SLC25A48: variants seen among roughly 807,000 people sequenced by gnomAD.
SLC25A48 encodes the protein solute carrier family 25 member 48.
A neutral mutation model predicts 32.2 loss-of-function variants in SLC25A48; 29 were observed. The ratio of observed to expected loss-of-function variants is 0.90; its 90% CI spans 0.67 to 1.23. The LOEUF is 1.23. Among genes scored for constraint, SLC25A48 ranks in the 50% most tolerant of loss-of-function variants. The pLI, the probability that SLC25A48 is intolerant of heterozygous loss-of-function variation, is 0.00. For missense variants in SLC25A48, 399 were observed against 422.7 expected (o/e 0.94, Z 0.49); for synonymous variants, 164 against 172.3 (o/e 0.95, Z 0.38).
intron 3 of SLC25A48, among the ~76,000 whole-genome samples, chr5:135,639,425 G>A (rs573518832): frequency 2.0e-4 from 31 of 152,314 alleles, no homozygotes; most frequent in Non-Finnish European, 4.0e-4. Flanking sequence ...CAGAGTTTGG[G>A]CATGCAATGG....
At chr5:135,753,731 A>G (rs1465850069) in intron 3 of SLC25A48, among the ~76,000 whole-genome samples, 2 of 151,748 alleles carry the variant, frequency 1.3e-5, no homozygotes, top group African/African-American at 4.8e-5. Context: ...CAGTGAGAAT[A>G]TTATGCACAA....
intron 3 of SLC25A48, among the ~76,000 whole-genome samples, chr5:135,749,232 G>C (rs1374107231): frequency 1.3e-5 from 2 of 151,480 alleles, no homozygotes; most frequent in Non-Finnish European, 2.9e-5. Flanking sequence ...CCTTTCCCTT[G>C]CTTCTCACCC....
At chr5:135,630,588 CTTTTTTTTTTTTTTTTTTTTTT>C (rs869088370) in intron 2 of SLC25A48, among the ~76,000 whole-genome samples, 1 of 58,928 alleles carries the variant, frequency 1.7e-5, no homozygotes, top group East Asian at 6.2e-4. Flanking sequence ...GGCTGGGCAC[CTTTTTTTTTTTTTTTTTTTTTT>C]TTTTTTTTTT....
chr5:135,859,498 C>T (rs1008776873), intron 4 of SLC25A48, among the ~76,000 whole-genome samples: 4 of 152,184 alleles, frequency 2.6e-5, no homozygotes, highest in African/African-American at 9.6e-5. Flanking sequence ...AATCATATCG[C>T]CTCCCCTGGC....
chr5:135,613,044 A>C lies in SLC25A48; in HGVS notation c.-848-16193A>C, dbSNP rs556171343. 2.0e-5 allele frequency among the ~76,000 whole-genome samples: 3 copies of C among 152,316 alleles called. No individual in the cohort carries two copies. In the South Asian group the frequency reaches 6.2e-4, roughly 32 times the overall value. On this transcript the variant is annotated intron_variant, in intron 1 of 10. Transcript: ENST00000646290. ...CTAACTAATTTATGTTCCTACCAAC[A>C]GTGTATGAGTACCGTTTTTTCCATA... is the stretch of plus-strand genomic sequence containing the variant.
intron 4 of SLC25A48, among the ~76,000 whole-genome samples, chr5:135,828,899 C>T (rs1758135469): frequency 6.6e-6 from 1 of 152,208 alleles, no homozygotes; most frequent in African/African-American, 2.4e-5. Flanking sequence ...CCACCTGGCA[C>T]TACTCAGGCA....
At chr5:135,753,950 A>G (rs1010673514) in intron 3 of SLC25A48, among the ~76,000 whole-genome samples, 15 of 152,130 alleles carry the variant, frequency 9.9e-5, no homozygotes, top group African/African-American at 2.9e-4. Context: ...ATGTGACTTT[A>G]GCAGTCATAT....
At chr5:135,692,435 C>T (rs1382454665) in intron 3 of SLC25A48, among the ~76,000 whole-genome samples, 17 of 151,968 alleles carry the variant, frequency 1.1e-4, no homozygotes, top group Admixed American at 1.1e-3. Flanking sequence ...AAATGTGCTG[C>T]CCTGAGAATG....
chr5:135,831,287 C>T (rs966927271), upstream of SLC25A48, among the ~76,000 whole-genome samples: 13 of 152,372 alleles, frequency 8.5e-5, no homozygotes, highest in South Asian at 2.7e-3. Flanking sequence ...CCAGCAGGAC[C>T]TTCAGACTTT....
intron 3 of SLC25A48, among the ~76,000 whole-genome samples, chr5:135,787,084 G>A (rs149971092): frequency 2.1e-3 from 312 of 152,072 alleles, no homozygotes; most frequent in Non-Finnish European, 3.0e-3. Flanking sequence ...GGTATTATTC[G>A]TAGAATCCTA....
intron 1 of SLC25A48, among the ~76,000 whole-genome samples, chr5:135,615,854 G>A (rs889950718): frequency 6.6e-6 from 1 of 152,172 alleles, no homozygotes; most frequent in Admixed American, 6.5e-5. Context: ...GGGAAGTGTG[G>A]TTTTATGGGC....
intron 3 of SLC25A48, among the ~76,000 whole-genome samples, chr5:135,782,658 C>T (rs1406306730): frequency 2.6e-5 from 3 of 116,192 alleles, no homozygotes; most frequent in South Asian, 3.1e-4. Flanking sequence ...ATACCCCTCC[C>T]GTGATATCGT....
intron 3 of SLC25A48, among the ~76,000 whole-genome samples, chr5:135,705,476 CTG>C (rs1236068997): frequency 6.6e-6 from 1 of 152,174 alleles, no homozygotes; most frequent in Non-Finnish European, 1.5e-5. Flanking sequence ...GATTAGCACA[CTG>C]TAAATATTCC....
chr5:135,738,842 G>A (rs781235830), intron 3 of SLC25A48, among the ~76,000 whole-genome samples: 83 of 152,198 alleles, frequency 5.5e-4, no homozygotes, highest in Non-Finnish European at 1.1e-3. Flanking sequence ...AGCATTTTGG[G>A]AGGCCGAGGC....
intron 2 of SLC25A48, among the ~76,000 whole-genome samples, chr5:135,632,591 AG>A (rs1468689099): frequency 6.6e-6 from 1 of 152,230 alleles, no homozygotes; most frequent in African/African-American, 2.4e-5. Context: ...CCACAGCACC[AG>A]GAGGGCTCTT....
intron 3 of SLC25A48, chr5:135,652,601 G>GGA (rs1190542931): frequency 2.8e-6 from 1 of 361,588 alleles, no homozygotes; most frequent in Non-Finnish European, 5.5e-6. Context: ...GCACCATTTG[G>GGA]GATTAAACAC....
At chr5:135,667,218 G>A (rs1753544879) in intron 3 of SLC25A48, among the ~76,000 whole-genome samples, 1 of 152,080 alleles carries the variant, frequency 6.6e-6, no homozygotes, top group South Asian at 2.1e-4. Flanking sequence ...TATTCTAAAA[G>A]CACTCTGCTT....
chr5:135,764,511 TA>T (rs1195316856), intron 3 of SLC25A48, among the ~76,000 whole-genome samples: 1 of 151,532 alleles, frequency 6.6e-6, no homozygotes, highest in Non-Finnish European at 1.5e-5. Context: ...GAGAGGGTGA[TA>T]TTACCCCTAA....
At chr5:135,871,749 C>A (rs1267458364) in intron 5 of SLC25A48, 31 bp downstream of exon 5, 6 of 1,609,496 alleles carry the variant, frequency 3.7e-6, no homozygotes, top group Non-Finnish European at 4.2e-6. Flanking sequence ...AGCCGCACCC[C>A]TGTGCAGGCC....
Sources: allele counts gnomAD v4.1 joint callset (sites outside exome capture counted in the v4.1 genomes callset), GRCh38; gene constraint gnomAD v4.1.1; transcripts MANE v1.5; gene names NCBI Gene and HGNC (gene_info 2026-07-23, HGNC 2026-07-21).